The following CDC42SE2 variants were observed in gnomAD, a reference collection of about 807,000 sequenced individuals.
CDC42SE2 encodes the protein CDC42 small effector protein 2.
CDC42SE2 carries 3 observed loss-of-function variants against 11.5 expected under a neutral mutation model. The ratio of observed to expected loss-of-function variants is 0.26; its 90% CI spans 0.12 to 0.67. The LOEUF is 0.67. Ranked by LOEUF, CDC42SE2 falls within the 30% of genes least tolerant of loss-of-function variation. CDC42SE2 has a pLI of 0.80. For synonymous variants in CDC42SE2, 33 were observed against 34.8 expected, an observed-to-expected ratio of 0.95 and a Z score of 0.18; for missense variants, 82 against 106.8, an observed-to-expected ratio of 0.77 and a Z score of 1.02.
At chr5:131,336,219 C>A (rs1758557603) in intron 2 of CDC42SE2, among the ~76,000 whole-genome samples, 1 of 152,188 alleles carries the variant, frequency 6.6e-6, no homozygotes, top group Non-Finnish European at 1.5e-5. Flanking sequence ...ATTTCTCCTT[C>A]ACTTATGAAG....
chr5:131,393,810 A>G lies in CDC42SE2; in HGVS notation c.*2719A>G, dbSNP rs998410610. The G allele has an allele frequency of 6.0e-5, 9 of 150,568 alleles. No individual in the cohort carries two copies. Among genetic ancestry groups the G allele is most frequent in the African/African-American group, 2.2e-4 (9 of 40,752 alleles). The allele number at this position is 150,568 out of a possible 1,614,324, so 9.3% of individuals were successfully genotyped here. A position where few individuals can be genotyped will look rare whatever the true frequency, so the allele number is the denominator to read the frequency against. The stretch of plus-strand genomic sequence containing the variant: ...GACTCATGATTTTAGTCTTTTTCCA[A>G]ATCGCTGTTTTTTTTTTTTTTTTTT... On this transcript the variant is annotated 3_prime_UTR_variant, in exon 5 of 5. Coordinates refer to ENST00000505065, the MANE Select transcript of CDC42SE2 (RefSeq NM_001375635.1).
chr5:131,272,657 G>A (rs990223657), intron 1 of CDC42SE2, among the ~76,000 whole-genome samples: 1 of 151,926 alleles, frequency 6.6e-6, no homozygotes, highest in Admixed American at 6.6e-5. Context: ...ATCCCTATCA[G>A]CATATAGATG....
chr5:131,316,446 G>A (rs1758040808), intron 2 of CDC42SE2, among the ~76,000 whole-genome samples: 1 of 152,228 alleles, frequency 6.6e-6, no homozygotes, highest in Admixed American at 6.5e-5. Flanking sequence ...GCGCTGAAAT[G>A]ATGGTCATGA....
At chr5:131,346,901 C>T (rs909097192) in intron 2 of CDC42SE2, among the ~76,000 whole-genome samples, 2 of 151,786 alleles carry the variant, frequency 1.3e-5, no homozygotes, top group Admixed American at 6.6e-5. Context: ...TCCTGAATGA[C>T]TAGTGGGTAA....
At position 131,359,368 on chromosome 5, in the gene CDC42SE2, A is replaced by G; in HGVS notation, c.-126A>G. On this transcript the variant is annotated 5_prime_UTR_variant, in exon 3 of 5. Transcript: ENST00000505065. ...ATACTTGACTTCCAGGAACAAAAAC[A>G]CGGTGAAATAATAAAATTTCATCTT... The G allele has an allele frequency of 1.3e-6, 1 of 780,320 alleles. No homozygotes were observed. Among genetic ancestry groups the G allele is most frequent in the South Asian group, 1.5e-5 (1 of 68,690 alleles). 48.3% of individuals were successfully genotyped at this position (780,320 alleles called of 1,614,324 possible). A position where few individuals can be genotyped will look rare whatever the true frequency, so the allele number is the denominator to read the frequency against.
intron 1 of CDC42SE2, among the ~76,000 whole-genome samples, chr5:131,279,144 T>C (rs146466269): frequency 0.014 from 2,130 of 152,244 alleles, 148 homozygotes; most frequent in Admixed American, 0.11. Flanking sequence ...TTTAAAGAAA[T>C]TTCTTTATGG....
chr5:131,312,814 G>A (rs1284900673), intron 1 of CDC42SE2, among the ~76,000 whole-genome samples: 3 of 152,054 alleles, frequency 2.0e-5, no homozygotes, highest in African/African-American at 7.2e-5. Flanking sequence ...AACGGTGTGC[G>A]CACCCACTGA....
At chr5:131,251,239 A>G (rs1756636384) in intron 1 of CDC42SE2, among the ~76,000 whole-genome samples, 1 of 152,228 alleles carries the variant, frequency 6.6e-6, no homozygotes, top group African/African-American at 2.4e-5. Flanking sequence ...GTAGTGCGCA[A>G]AAGAATATGT....
intron 2 of CDC42SE2, among the ~76,000 whole-genome samples, chr5:131,338,766 C>CGG (rs1016633953): frequency 3.3e-5 from 5 of 152,136 alleles, no homozygotes; most frequent in Admixed American, 6.5e-5. Context: ...CAGAGTCTTA[C>CGG]GTTCTAAACC....
At chr5:131,351,612 G>A (rs971232857) in intron 2 of CDC42SE2, among the ~76,000 whole-genome samples, 1 of 152,126 alleles carries the variant, frequency 6.6e-6, no homozygotes, top group Non-Finnish European at 1.5e-5. Flanking sequence ...GATATCTTCA[G>A]CAAATGAGCT....
the CDC42SE2 span, among the ~76,000 whole-genome samples, chr5:131,223,895 C>A: frequency 1.3e-5 from 2 of 152,172 alleles, no homozygotes; most frequent in Non-Finnish European, 2.9e-5. Flanking sequence ...TCAAAGCCAG[C>A]AAGTGTCCTC....
chr5:131,362,523 A>G (rs1430369880), intron 3 of CDC42SE2, among the ~76,000 whole-genome samples: 1 of 152,148 alleles, frequency 6.6e-6, no homozygotes, highest in East Asian at 1.9e-4. Context: ...TTTCTAAAAT[A>G]TTTACTGAAA....
chr5:131,270,169 T>C (rs1372783513), intron 1 of CDC42SE2, among the ~76,000 whole-genome samples: 1 of 151,592 alleles, frequency 6.6e-6, no homozygotes, highest in African/African-American at 2.4e-5. Flanking sequence ...GGTCAGGAGA[T>C]CAAGACCATC....
At chr5:131,218,604 C>A in the CDC42SE2 span, among the ~76,000 whole-genome samples, 1 of 148,128 alleles carries the variant, frequency 6.8e-6, no homozygotes, top group Non-Finnish European at 1.5e-5. Context: ...TTAGCCCAAA[C>A]GAAACAACTC....
chr5:131,219,394 A>T, the CDC42SE2 span, among the ~76,000 whole-genome samples: 1 of 152,202 alleles, frequency 6.6e-6, no homozygotes, highest in East Asian at 1.9e-4. Flanking sequence ...ATAAGCCCAC[A>T]TTTGTTGCTT....
chr5:131,311,850 T>G (rs1377682253), intron 1 of CDC42SE2, among the ~76,000 whole-genome samples: 3 of 152,116 alleles, frequency 2.0e-5, no homozygotes, highest in Admixed American at 1.3e-4. Flanking sequence ...TCTTCTAAAT[T>G]TTTTTTCAAA....
At chr5:131,217,020 T>A in the CDC42SE2 span, among the ~76,000 whole-genome samples, 4 of 152,208 alleles carry the variant, frequency 2.6e-5, no homozygotes, top group African/African-American at 7.2e-5. Flanking sequence ...GCCAGGGGGC[T>A]GCCTGAGATC....
the CDC42SE2 span, among the ~76,000 whole-genome samples, chr5:131,231,364 A>G: frequency 6.6e-6 from 1 of 152,198 alleles, no homozygotes; most frequent in African/African-American, 2.4e-5. Flanking sequence ...GTGGCATAAA[A>G]CTATTAGAAG....
At chr5:131,269,852 G>C (rs1304682873) in intron 1 of CDC42SE2, among the ~76,000 whole-genome samples, 2 of 151,114 alleles carry the variant, frequency 1.3e-5, no homozygotes. Context: ...TCTGAGTTCG[G>C]GAATTTGAGA....
Sources: allele counts gnomAD v4.1 joint callset (sites outside exome capture counted in the v4.1 genomes callset), GRCh38; gene constraint gnomAD v4.1.1; transcripts MANE v1.5; gene names NCBI Gene and HGNC (gene_info 2026-07-23, HGNC 2026-07-21).